The following TRPM4 variants were observed in gnomAD, a reference collection of about 807,000 sequenced individuals.
TRPM4 encodes the protein calcium-activated non-selective cation channel 1.
TRPM4 carries 124 observed loss-of-function variants against 135.6 expected under a neutral mutation model. That is an observed-to-expected ratio of 0.91 (90% CI 0.79 to 1.06). The LOEUF (loss-of-function observed/expected upper bound fraction) is 1.06, where lower values mean the gene tolerates loss of function less well. Among genes scored for constraint, TRPM4 ranks in the 50% least tolerant of loss-of-function variants. TRPM4 has a pLI of 0.00. For missense variants in TRPM4, 1,658 were observed against 1,671.4 expected (o/e 0.99, Z 0.14); for synonymous variants, 745 against 705.6 (o/e 1.06, Z -0.88).
Position 49,200,394 on chromosome 19 carries a change from A to T in TRPM4, c.2740A>T (p.Lys914Ter), listed in dbSNP as rs140799936. 1.0e-3 allele frequency: 1,644 copies of T among 1,613,920 alleles called. 1 individual carries two copies. The highest frequency in any genetic ancestry group is 1.2e-3 in the Non-Finnish European group (1,427 of 1,179,968). ...GCTGCTTCACATCTTCACGGTCAACAAACAGCTGGGGCCCAAGATCGTCAT... is the reference window on the plus strand; with the variant it reads ...GCTGCTTCACATCTTCACGGTCAACTAACAGCTGGGGCCCAAGATCGTCAT... ...VRLLHIFTVN[K>*]QLGPKIVIVS... is the part of the protein sequence containing the mutation. The change falls in exon 18 of 25, where the codon AAA becomes TAA. Residue 914 changes from lysine to a stop codon, truncating the protein, a stop_gained. Coordinates refer to ENST00000252826, the MANE Select transcript of TRPM4 (RefSeq NM_017636.4). LOFTEE classifies it high-confidence loss of function.
In TRPM4 at chr19:49,171,358, G is replaced by A; in HGVS notation, c.798G>A (p.Gly266=). The change falls in exon 7 of 25, where the codon GGG becomes GGA. Residue 266 remains glycine (G), a splice_region_variant and synonymous_variant. Transcript: ENST00000252826. The surrounding 1 kb of genome is among the most constrained non-coding windows in gnomAD (Gnocchi z 4.7). ...YISQQKTGVG[G]TGIDIPVLLL... The stretch of plus-strand genomic sequence containing the variant: ...AGCCCCCTTCTCTTCTTGCCTCAGG[G>A]ACTGGAATTGACATCCCTGTCCTGC... 2 of 1,614,124 alleles carry A rather than the reference G, an allele frequency of 1.2e-6. No individual in the cohort carries two copies. Among genetic ancestry groups the A allele is most frequent in the African/African-American group, 1.3e-5 (1 of 75,016 alleles).
At chr19:49,201,165 C>A (rs1281009605) in intron 19 of TRPM4, among the ~76,000 whole-genome samples, 1 of 152,016 alleles carries the variant, frequency 6.6e-6, no homozygotes, top group Non-Finnish European at 1.5e-5. Flanking sequence ...GTACACGGAA[C>A]AAAGGAGATA....
intron 12 of TRPM4, among the ~76,000 whole-genome samples, chr19:49,187,894 A>C (rs918299521): frequency 6.6e-6 from 1 of 152,124 alleles, no homozygotes; most frequent in African/African-American, 2.4e-5. Context: ...GTGGGATGGC[A>C]GAACTGGTTG....
intron 12 of TRPM4, among the ~76,000 whole-genome samples, chr19:49,184,523 C>T (rs559249614): frequency 8.0e-6 from 1 of 125,780 alleles, no homozygotes; most frequent in Non-Finnish European, 1.6e-5. Flanking sequence ...TGCAGTGGCT[C>T]AATCTCCGCT....
At chr19:49,198,200 C>T (rs1393546573) in intron 17 of TRPM4, among the ~76,000 whole-genome samples, 1 of 152,128 alleles carries the variant, frequency 6.6e-6, no homozygotes, top group Non-Finnish European at 1.5e-5. Flanking sequence ...ACTAATACTT[C>T]TGTTTGTAAT....
chr19:49,201,150 T>C (rs183565351), intron 19 of TRPM4, among the ~76,000 whole-genome samples: 1 of 152,238 alleles, frequency 6.6e-6, no homozygotes, highest in Non-Finnish European at 1.5e-5. Context: ...AGTTTTGTCA[T>C]GAGAGTACAC....
chr19:49,195,702 T>A (rs1412011404), intron 16 of TRPM4, among the ~76,000 whole-genome samples: 1 of 147,804 alleles, frequency 6.8e-6, no homozygotes. Context: ...TTTTTTTTTT[T>A]AGACAGGGTC....
chr19:49,162,564 A>C (rs568961937), intron 2 of TRPM4, among the ~76,000 whole-genome samples: 4 of 151,298 alleles, frequency 2.6e-5, no homozygotes, highest in Non-Finnish European at 5.9e-5. Flanking sequence ...AAACAAACAA[A>C]CAAAAAAACA....
rs747404092 is a variant in TRPM4, at chr19:49,183,175, T to C, written c.1706T>C (p.Leu569Pro). Residue 569 changes from leucine (L) to proline (P), a missense_variant, in exon 12 of 25, where the codon CTG becomes CCG. By Grantham distance (98) the Leu-to-Pro change is moderately conservative. Transcript: ENST00000252826. ...WSDLLLWALL[L>P]NRAQMAMYFW... ...GACCTGCTTCTTTGGGCACTGTTGC[T>C]GAACAGGGCACAGATGGCCATGTAC... The C allele has an allele frequency of 1.2e-6, 2 of 1,613,992 alleles. No individual in the cohort carries two copies. Among genetic ancestry groups the C allele is most frequent in the East Asian group, 2.2e-5 (1 of 44,890 alleles).
intron 20 of TRPM4, among the ~76,000 whole-genome samples, chr19:49,204,107 G>A (rs747750592): frequency 2.9e-4 from 44 of 152,262 alleles, no homozygotes; most frequent in East Asian, 1.4e-3. Flanking sequence ...GCAACAGAGC[G>A]AGACTCCATC....
At chr19:49,193,647 G>T (rs900596039) in intron 16 of TRPM4, among the ~76,000 whole-genome samples, 2 of 152,104 alleles carry the variant, frequency 1.3e-5, no homozygotes, top group Non-Finnish European at 2.9e-5. Context: ...ACCTGCCTGT[G>T]GCCTGGCTGG....
intron 10 of TRPM4, 42 bp from the exon 11 acceptor site, chr19:49,182,536 C>T (rs757037518): frequency 5.1e-6 from 8 of 1,561,306 alleles, no homozygotes; most frequent in South Asian, 4.5e-5. Context: ...TTGTCCTTAA[C>T]CTTTGAGCTA....
chr19:49,171,917 G>A lies in TRPM4; in HGVS notation c.1051-92G>A, dbSNP rs1164811227. 2 of 1,378,646 alleles carry A rather than the reference G, an allele frequency of 1.5e-6. No homozygotes were observed. The highest frequency in any genetic ancestry group is 2.9e-5 in the African/African-American group (2 of 70,042). 85.4% of individuals were successfully genotyped at this position (1,378,646 alleles called of 1,614,324 possible). A position where few individuals can be genotyped will look rare whatever the true frequency, so the allele number is the denominator to read the frequency against. The stretch of plus-strand genomic sequence containing the variant: ...TGGGCATATAGACTATTAGGTCCTG[G>A]AGGGGAATGGCCTCCTCCATCCCTT... On this transcript the variant is annotated intron_variant, in intron 8 of 24. Coordinates refer to ENST00000252826, the MANE Select transcript of TRPM4 (RefSeq NM_017636.4). The surrounding 1 kb of genome is among the most constrained non-coding windows in gnomAD (Gnocchi z 4.7).
At chr19:49,167,722 C>T (rs1433055513) in intron 3 of TRPM4, 195 bp from the exon 4 acceptor site, 1 of 548,890 alleles carries the variant, frequency 1.8e-6, no homozygotes, top group African/African-American at 2.3e-5. Context: ...CTCTGGGTCT[C>T]TGTCCCTCTC....
rs772062913 is a variant in TRPM4 at position 49,175,067 on chromosome 19, C to CTTTTTTTT, written c.1150+2977_1150+2984dup. Among the ~76,000 whole-genome samples the CTTTTTTTT allele has an allele frequency of 1.1e-3, 85 of 77,580 alleles. 5 individuals are homozygous for CTTTTTTTT. Among genetic ancestry groups the CTTTTTTTT allele is most frequent in the Middle Eastern group, 8.9e-3 (1 of 112 alleles). The allele number at this position is 77,580 out of a possible 152,430, so 50.9% of individuals were successfully genotyped here. ...CACAGGCATGTGCCATCATGCCTGG[C>CTTTTTTTT]TTTTTTTTTTTTTTTTTTTTTTTTT... On this transcript the variant is annotated intron_variant, in intron 9 of 24. Coordinates refer to ENST00000252826, the MANE Select transcript of TRPM4 (RefSeq NM_017636.4).
At position 49,171,238 on chromosome 19, in the gene TRPM4, C is replaced by A. The variant is rs1477363; in HGVS notation, c.797-119C>A. The A allele has an allele frequency of 0.24, 248,654 of 1,042,012 alleles. 32,919 individuals are homozygous for A. Among genetic ancestry groups the A allele is most frequent in the South Asian group, 0.35 (27,026 of 78,124 alleles). The allele number at this position is 1,042,012 out of a possible 1,614,324, so 64.5% of individuals were successfully genotyped here. On this transcript the variant is annotated intron_variant, in intron 6 of 24. Coordinates refer to ENST00000252826, the MANE Select transcript of TRPM4 (RefSeq NM_017636.4). This position sits in a 1 kb window ranked among gnomAD's most constrained non-coding sequence, Gnocchi z 4.7. ...AAAAGAAATGACAATTCCAATGAGCCTCTGAACAGAAGATTAGGACAAGGC... is the reference window on the plus strand; with the variant it reads ...AAAAGAAATGACAATTCCAATGAGCATCTGAACAGAAGATTAGGACAAGGC...
At chr19:49,205,003 T>TC (rs1232870277) in intron 20 of TRPM4, among the ~76,000 whole-genome samples, 1 of 146,340 alleles carries the variant, frequency 6.8e-6, no homozygotes, top group Non-Finnish European at 1.5e-5. Context: ...TTTTTTTTTT[T>TC]CAGAGATGGG....
chr19:49,188,363 G>A (rs1254933363), intron 12 of TRPM4, among the ~76,000 whole-genome samples: 1 of 152,130 alleles, frequency 6.6e-6, no homozygotes, highest in African/African-American at 2.4e-5. Flanking sequence ...ACTTTACCCA[G>A]CCTCCAACTG....
At chr19:49,164,363 A>AGTTTTTT (rs1967088556) in intron 2 of TRPM4, among the ~76,000 whole-genome samples, 2 of 10,072 alleles carry the variant, frequency 2.0e-4, no homozygotes, top group Non-Finnish European at 3.4e-4. Flanking sequence ...TTCTTTCCTT[A>AGTTTTTT]GTTTTTTTTT....
Sources: allele counts gnomAD v4.1 joint callset (sites outside exome capture counted in the v4.1 genomes callset), GRCh38; gene constraint gnomAD v4.1.1; non-coding constraint Gnocchi (gnomAD v3.1); transcripts MANE v1.5; gene names NCBI Gene and HGNC (gene_info 2026-07-23, HGNC 2026-07-21).